Variants in WDR88 observed in about 807,000 individuals in gnomAD.
The protein encoded by WDR88 is WD repeat domain 88.
WDR88 carries 40 observed loss-of-function variants against 46.8 expected under a neutral mutation model. The ratio of observed to expected loss-of-function variants is 0.86; its 90% CI spans 0.66 to 1.11. WDR88 has a LOEUF of 1.11. Among genes scored for constraint, WDR88 ranks in the 50% most tolerant of loss-of-function variants. The probability of loss-of-function intolerance (pLI) is 0.00; values close to 1 mark genes in which losing one functional copy is unlikely to be tolerated. For missense variants in WDR88, 562 were observed against 602.4 expected (o/e 0.93, Z 0.70); for synonymous variants, 235 against 240.7 (o/e 0.98, Z 0.22).
rs1315930267 is a variant in WDR88 at position 33,151,213 on chromosome 19, T to C, written c.712T>C (p.Phe238Leu). The C allele has an allele frequency of 1.9e-6, 3 of 1,613,846 alleles. No homozygotes were observed. Among genetic ancestry groups the C allele is most frequent in the South Asian group, 1.1e-5 (1 of 90,928 alleles). The change falls in exon 6 of 11, where the codon TTT becomes CTT. Residue 238 changes from phenylalanine (F) to leucine (L), a missense_variant. By Grantham distance (22) the Phe-to-Leu change is conservative. Coordinates refer to ENST00000355868, the MANE Select transcript of WDR88 (RefSeq NM_173479.4). ...HHTRSITSCC[F>L]DPDSQRVASV... ...CACAAGGTCCATCACGTCATGCTGC[T>C]TTGACCCCGACAGCCAGAGGGTGGC...
chr19:33,150,509 G>C (rs1273664497), intron 5 of WDR88, among the ~76,000 whole-genome samples: 1 of 152,242 alleles, frequency 6.6e-6, no homozygotes, highest in Non-Finnish European at 1.5e-5. Flanking sequence ...TGTCTGTCCT[G>C]TCTCCTCCCC....
chr19:33,148,888 C>T lies in WDR88; in HGVS notation c.657C>T (p.Ile219=). 1 of 1,614,144 alleles carries T rather than the reference C, an allele frequency of 6.2e-7. No homozygotes were observed. The highest frequency in any genetic ancestry group is 8.5e-7 in the Non-Finnish European group (1 of 1,180,034). ...TCTGCATAATGGACGCCGAGAACATCACCACCGTTTCCGTCATCAAAGGTG... is the reference window on the plus strand; with the variant it reads ...TCTGCATAATGGACGCCGAGAACATTACCACCGTTTCCGTCATCAAAGGTG... ...HGICIMDAEN[I]TTVSVIKDHH... The change falls in exon 5 of 11, where the codon ATC becomes ATT. Residue 219 remains isoleucine (I), a synonymous_variant. Transcript: ENST00000355868.
At position 33,151,183 on chromosome 19, in the gene WDR88, C is replaced by T; in HGVS notation, c.682C>T (p.His228Tyr). 6.2e-7 allele frequency: 1 copy of T among 1,613,330 alleles called. No homozygotes were observed. The highest frequency in any genetic ancestry group is 8.5e-7 in the Non-Finnish European group (1 of 1,179,622). Residue 228 changes from histidine (H) to tyrosine (Y), a missense_variant and splice_region_variant, in exon 6 of 11, where the codon CAT becomes TAT. His to Tyr is a moderately conservative substitution (Grantham distance 83). Coordinates refer to ENST00000355868, the MANE Select transcript of WDR88 (RefSeq NM_173479.4). ...TCCCTTTCCTCCGTGTTCTGCAGAT[C>T]ATCACACAAGGTCCATCACGTCATG... Reference protein sequence around the residue: ...NITTVSVIKDHHTRSITSCCF... With the variant: ...NITTVSVIKDYHTRSITSCCF...
At chr19:33,160,311 A>G in intron 7 of WDR88, 103 bp from the exon 8 acceptor site, 1 of 1,114,118 alleles carries the variant, frequency 9.0e-7, no homozygotes, top group Non-Finnish European at 1.4e-6. Flanking sequence ...GTGTTGTCAG[A>G]GTGAGATGAG....
chr19:33,143,390 T>C (rs901602271), intron 2 of WDR88, among the ~76,000 whole-genome samples: 1 of 136,302 alleles, frequency 7.3e-6, no homozygotes, highest in Admixed American at 7.6e-5. Flanking sequence ...ACGCCTGTAA[T>C]CCCAGCACTT....
chr19:33,150,141 G>A (rs1599894505), intron 5 of WDR88, among the ~76,000 whole-genome samples: 1 of 152,084 alleles, frequency 6.6e-6, no homozygotes, highest in Admixed American at 6.6e-5. Context: ...TTAAAAAAAT[G>A]TGTAATCATT....
chr19:33,132,888 G>A (rs1263393404), intron 1 of WDR88, among the ~76,000 whole-genome samples: 4 of 152,204 alleles, frequency 2.6e-5, no homozygotes, highest in African/African-American at 9.7e-5. Flanking sequence ...GGCCAGGCAA[G>A]GTGGCTCACA....
chr19:33,144,346 C>A (rs1364413084), intron 2 of WDR88, among the ~76,000 whole-genome samples: 2 of 152,112 alleles, frequency 1.3e-5, no homozygotes, highest in Non-Finnish European at 1.5e-5. Flanking sequence ...ACTACAGGCG[C>A]GCGCCACCAC....
rs186871672 is a variant in WDR88, at chr19:33,151,249, T to C, written c.748T>C (p.Leu250=). 78 of 1,613,754 alleles carry C rather than the reference T, an allele frequency of 4.8e-5. No individual in the cohort carries two copies. In the East Asian group the frequency reaches 7.1e-4, roughly 15 times the overall value. ...CAGCCAGAGGGTGGCTTCTGTCTCA[T>C]TGGACAGGTGCATCAAGATCTGGGA... The part of the protein sequence containing the change: ...PDSQRVASVS[L]DRCIKIWDVT... Residue 250 remains leucine (L), a synonymous_variant, in exon 6 of 11, where the codon TTG becomes CTG. Coordinates refer to ENST00000355868, the MANE Select transcript of WDR88 (RefSeq NM_173479.4).
chr19:33,155,688 A>G (rs1973721043), intron 6 of WDR88, among the ~76,000 whole-genome samples: 1 of 152,188 alleles, frequency 6.6e-6, no homozygotes. Context: ...CTGTCTGTCA[A>G]TCAATCACTC....
At chr19:33,139,004 C>T (rs192738645) in intron 2 of WDR88, among the ~76,000 whole-genome samples, 192 of 152,214 alleles carry the variant, frequency 1.3e-3, no homozygotes, top group Middle Eastern at 6.8e-3. Context: ...TGTCAGAGAA[C>T]GGAAGTCCTG....
intron 1 of WDR88, among the ~76,000 whole-genome samples, chr19:33,135,450 G>A (rs561038336): frequency 2.0e-5 from 3 of 152,216 alleles, no homozygotes; most frequent in East Asian, 1.9e-4. Context: ...ATGGAGTCTC[G>A]CTCTGTTGCC....
intron 1 of WDR88, 94 bp from the exon 2 acceptor site, chr19:33,137,583 G>T (rs746257167): frequency 9.5e-6 from 11 of 1,163,654 alleles, no homozygotes; most frequent in Non-Finnish European, 1.3e-5. Context: ...TTTCCGGGTG[G>T]TTTATTGCAA....
Position 33,133,194 on chromosome 19 carries a change from AAT to A in WDR88, c.276+753_276+754del, listed in dbSNP as rs140377163. On this transcript the variant is annotated intron_variant, in intron 1 of 10. Coordinates refer to ENST00000355868, the MANE Select transcript of WDR88 (RefSeq NM_173479.4). ...AAATAAATAAATAAATAAATAAATA[AAT>A]ATAGAGAGAGAGAGAGAAAGAAAGA... is the stretch of plus-strand genomic sequence containing the variant. Among the ~76,000 whole-genome samples the A allele has an allele frequency of 6.5e-4, 32 of 49,494 alleles. 2 individuals are homozygous for A. The highest frequency in any genetic ancestry group is 3.0e-3 in the South Asian group (5 of 1,654). 32.5% of individuals were successfully genotyped at this position (49,494 alleles called of 152,430 possible). A position where few individuals can be genotyped will look rare whatever the true frequency, so the allele number is the denominator to read the frequency against.
chr19:33,143,058 A>G (rs369150066), intron 2 of WDR88, among the ~76,000 whole-genome samples: 1 of 151,798 alleles, frequency 6.6e-6, no homozygotes, highest in East Asian at 2.0e-4. Context: ...AGCTGAGTGC[A>G]ATGGCCCACG....
intron 3 of WDR88, among the ~76,000 whole-genome samples, 184 bp downstream of exon 3, chr19:33,145,116 T>C (rs187703412): frequency 9.9e-4 from 150 of 152,272 alleles, no homozygotes; most frequent in Admixed American, 3.2e-3. Flanking sequence ...TCCCAAAGTG[T>C]TGACATTACA....
chr19:33,166,907 C>A (rs1373201869), intron 9 of WDR88, among the ~76,000 whole-genome samples: 1 of 151,996 alleles, frequency 6.6e-6, no homozygotes, highest in East Asian at 1.9e-4. Context: ...CAGAGCTAGA[C>A]CCTGTCTCCA....
At chr19:33,141,701 A>T (rs1973398311) in intron 2 of WDR88, among the ~76,000 whole-genome samples, 1 of 151,822 alleles carries the variant, frequency 6.6e-6, no homozygotes, top group African/African-American at 2.4e-5. Context: ...TTTTTTTGAG[A>T]TGGCGTTTTG....
intron 2 of WDR88, among the ~76,000 whole-genome samples, chr19:33,140,769 G>T (rs947134303): frequency 6.6e-6 from 1 of 151,108 alleles, no homozygotes; most frequent in Admixed American, 6.6e-5. Context: ...CAGCCTGGGC[G>T]ACGGTGGGAG....
Sources: gnomAD v4.1 joint callset for allele counts (sites outside exome capture counted in the v4.1 genomes callset) on GRCh38, gnomAD v4.1.1 for gene constraint, MANE v1.5 for transcripts, NCBI Gene and HGNC (gene_info 2026-07-23, HGNC 2026-07-21) for gene names.